Variants in GNAL observed in about 807,000 individuals in gnomAD.
GNAL encodes G protein subunit alpha L, also known as guanine nucleotide-binding protein G(olf) subunit alpha.
GNAL carries 18 observed loss-of-function variants against 55.1 expected under a neutral mutation model. The observed-to-expected ratio is 0.33, with a 90% CI of 0.23 to 0.48. The LOEUF (loss-of-function observed/expected upper bound fraction) is 0.48. Ranked by LOEUF, GNAL falls within the 20% of genes least tolerant of loss-of-function variation. The pLI, the probability that GNAL is intolerant of heterozygous loss-of-function variation, is 0.99. For missense variants in GNAL, 412 were observed against 614.1 expected (o/e 0.67, Z 3.48); for synonymous variants, 253 against 237.0 (o/e 1.07, Z -0.62).
chr18:11,704,495 A>T (rs2031657244), intron 1 of GNAL, among the ~76,000 whole-genome samples: 1 of 152,180 alleles, frequency 6.6e-6, no homozygotes, highest in Non-Finnish European at 1.5e-5. Flanking sequence ...AGTAATGATA[A>T]GTACCCCCAT....
chr18:11,726,756 A>G (rs895071732), intron 1 of GNAL, among the ~76,000 whole-genome samples: 1 of 152,224 alleles, frequency 6.6e-6, no homozygotes, highest in Non-Finnish European at 1.5e-5. Flanking sequence ...GAGTCAAAGC[A>G]TGAGATTCAC....
intron 4 of GNAL, among the ~76,000 whole-genome samples, chr18:11,791,283 T>G (rs1347992736): frequency 6.6e-6 from 1 of 152,216 alleles, no homozygotes; most frequent in African/African-American, 2.4e-5. Context: ...ATTTTTAAAT[T>G]TCCTGCCTGT....
intron 4 of GNAL, among the ~76,000 whole-genome samples, chr18:11,793,526 G>A (rs1598463911): frequency 1.3e-5 from 2 of 151,938 alleles, no homozygotes; most frequent in South Asian, 4.1e-4. Context: ...AGGCTGCAGT[G>A]AGCTATGATT....
In GNAL at chr18:11,752,863, G is replaced by A. The variant is rs141151723; in HGVS notation, c.387G>A (p.Glu129=). ...TCTGTTTGTTTGCAGGGGCTGGTGA[G>A]TCTGGGAAAAGCACTATCGTCAAAC... ...THRLLLLGAG[E]SGKSTIVKQM... is the part of the protein sequence containing the mutation. Residue 129 remains glutamate (E), a synonymous_variant, in exon 2 of 12, where the codon GAG becomes GAA. Coordinates refer to ENST00000334049, the MANE Select transcript of GNAL (RefSeq NM_182978.4). This position sits in a 1 kb window ranked among gnomAD's most constrained non-coding sequence, Gnocchi z 4.5. 219 of 1,607,086 alleles carry A rather than the reference G, an allele frequency of 1.4e-4. No individual in the cohort carries two copies. Among genetic ancestry groups the A allele is most frequent in the Non-Finnish European group, 1.8e-4 (209 of 1,173,722 alleles).
intron 4 of GNAL, among the ~76,000 whole-genome samples, chr18:11,772,772 G>A (rs534770397): frequency 2.0e-5 from 3 of 152,218 alleles, no homozygotes; most frequent in South Asian, 2.1e-4. Context: ...TTTATACAGC[G>A]GAGTTTCATT....
rs970721225 is a variant in GNAL, at chr18:11,751,589, G to C, written c.377-1264G>C. ...CTTCGCCCGCCAGGAGCAGGGACGC[G>C]TCCGAGCCAACACGGGGCGCGCGCC... On this transcript the variant is annotated intron_variant, in intron 1 of 11. Coordinates refer to ENST00000334049, the MANE Select transcript of GNAL (RefSeq NM_182978.4). The surrounding 1 kb of genome is among the most constrained non-coding windows in gnomAD (Gnocchi z 4.5). 1.0e-6 allele frequency: 1 copy of C among 985,374 alleles called. No individual in the cohort carries two copies. The highest frequency in any genetic ancestry group is 6.1e-5 in the Admixed American group (1 of 16,272). 61.0% of individuals were successfully genotyped at this position (985,374 alleles called of 1,614,324 possible).
At chr18:11,744,517 A>G (rs897590491) in intron 1 of GNAL, among the ~76,000 whole-genome samples, 5 of 152,210 alleles carry the variant, frequency 3.3e-5, no homozygotes, top group African/African-American at 1.2e-4. Context: ...ATACTAAGAA[A>G]AAAAAGAGAG....
intron 10 of GNAL, among the ~76,000 whole-genome samples, chr18:11,873,657 C>T (rs192221423): frequency 3.5e-4 from 54 of 152,350 alleles, no homozygotes; most frequent in African/African-American, 1.2e-3. Flanking sequence ...CTTGCTCTAC[C>T]CGCAGCCTGA....
At chr18:11,740,876 C>A (rs1433187671) in intron 1 of GNAL, among the ~76,000 whole-genome samples, 2 of 152,236 alleles carry the variant, frequency 1.3e-5, no homozygotes, top group East Asian at 3.8e-4. Context: ...CTCTGTGCCC[C>A]TTCCTCTTTG....
chr18:11,713,467 T>G (rs1024885738), intron 1 of GNAL, among the ~76,000 whole-genome samples: 2 of 152,214 alleles, frequency 1.3e-5, no homozygotes, highest in Non-Finnish European at 2.9e-5. Flanking sequence ...AGTCAAGTTG[T>G]GGCCATTTGG....
chr18:11,795,447 GA>G (rs2034354312), intron 4 of GNAL, among the ~76,000 whole-genome samples: 2 of 151,136 alleles, frequency 1.3e-5, no homozygotes, highest in Admixed American at 1.3e-4. Context: ...CTATCATTAG[GA>G]AAAAATAGCT....
intron 4 of GNAL, among the ~76,000 whole-genome samples, chr18:11,794,727 G>A (rs935804990): frequency 8.0e-6 from 1 of 124,668 alleles, no homozygotes; most frequent in African/African-American, 3.1e-5. Context: ...TTTATGTTAT[G>A]TGAATTTCAC....
intron 10 of GNAL, among the ~76,000 whole-genome samples, chr18:11,873,852 G>A (rs1334864118): frequency 2.0e-5 from 3 of 152,020 alleles, no homozygotes; most frequent in East Asian, 1.9e-4. Context: ...CGGCGGCCGG[G>A]GGGTCCTTCC....
rs1468043774 is a variant in GNAL, at chr18:11,747,990, T to C, written c.377-4863T>C. On this transcript the variant is annotated intron_variant, in intron 1 of 11. Transcript: ENST00000334049. Reference sequence around the variant, plus strand: ...ACACTGGCAGCGGGCGCCACTCTGCTCTTGGTACCCTCCCCACCAGCCCTG... The same window carrying C: ...ACACTGGCAGCGGGCGCCACTCTGCCCTTGGTACCCTCCCCACCAGCCCTG... 4.6e-5 allele frequency among the ~76,000 whole-genome samples: 7 copies of C among 152,278 alleles called. No individual in the cohort carries two copies. The South Asian group carries it at 1.4e-3, about 32-fold the overall frequency.
intron 1 of GNAL, among the ~76,000 whole-genome samples, chr18:11,712,480 A>G (rs936192997): frequency 3.3e-5 from 5 of 152,254 alleles, no homozygotes; most frequent in Admixed American, 2.0e-4. Flanking sequence ...TGTTACATCA[A>G]TTTTTCAGCA....
chr18:11,765,752 C>T (rs375551467), intron 4 of GNAL, among the ~76,000 whole-genome samples: 15 of 152,320 alleles, frequency 9.8e-5, no homozygotes, highest in African/African-American at 3.4e-4. Flanking sequence ...TTTTTTTCCA[C>T]TGCTGAATAA....
In GNAL at chr18:11,868,259, C is replaced by T. The variant is rs2143867229; in HGVS notation, c.911-284C>T. Among the ~76,000 whole-genome samples, 1 of 152,064 alleles carries T rather than the reference C, an allele frequency of 6.6e-6. No homozygotes were observed. The highest frequency in any genetic ancestry group is 2.1e-4 in the South Asian group (1 of 4,814). On this transcript the variant is annotated intron_variant, in intron 8 of 11. Coordinates refer to ENST00000334049, the MANE Select transcript of GNAL (RefSeq NM_182978.4). The surrounding 1 kb of genome is among the most constrained non-coding windows in gnomAD (Gnocchi z 4.0). ...AAGTTGCAGTGAGCCAAGATCATGC[C>T]ATTGCACTCCAGCCTGGGAGACAAG...
rs916812444 is a variant in GNAL, at chr18:11,716,241, T to A, written c.376+26302T>A. Among the ~76,000 whole-genome samples the A allele has an allele frequency of 2.0e-5, 3 of 152,234 alleles. No homozygotes were observed. The South Asian group carries it at 6.2e-4, about 32-fold the overall frequency. Reference sequence around the variant, plus strand: ...ACTTCAAGAATGAAGCCGCGGACCCTCGCGGTGAGTGTTACAGTTCTTAAA... The same window carrying A: ...ACTTCAAGAATGAAGCCGCGGACCCACGCGGTGAGTGTTACAGTTCTTAAA... On this transcript the variant is annotated intron_variant, in intron 1 of 11. Transcript: ENST00000334049.
chr18:11,738,691 C>A (rs549867218), intron 1 of GNAL, among the ~76,000 whole-genome samples: 2 of 152,158 alleles, frequency 1.3e-5, no homozygotes, highest in Non-Finnish European at 2.9e-5. Flanking sequence ...TCAAGTGATC[C>A]GCCTGCCTCG....
Sources: allele counts gnomAD v4.1 joint callset (sites outside exome capture counted in the v4.1 genomes callset), GRCh38; gene constraint gnomAD v4.1.1; non-coding constraint Gnocchi (gnomAD v3.1); transcripts MANE v1.5; gene names NCBI Gene and HGNC (gene_info 2026-07-23, HGNC 2026-07-21).